Variants in NMNAT3 observed in about 807,000 individuals in gnomAD.
NMNAT3 encodes the protein nicotinamide nucleotide adenylyltransferase 3, also known as nicotinamide/nicotinic acid mononucleotide adenylyltransferase 3.
In NMNAT3, 21 loss-of-function variants were observed where a neutral mutation model predicts 24.8. The observed-to-expected ratio is 0.85, with a 90% CI of 0.60 to 1.22. NMNAT3 has a LOEUF of 1.22. Ranked by LOEUF, NMNAT3 falls within the 50% of genes most tolerant of loss-of-function variation. The pLI, the probability that NMNAT3 is intolerant of heterozygous loss-of-function variation, is 0.00. For synonymous variants in NMNAT3, 136 were observed against 155.2 expected (o/e 0.88, Z 0.92); for missense variants, 387 against 436.6 (o/e 0.89, Z 1.01).
intron 1 of NMNAT3, among the ~76,000 whole-genome samples, chr3:139,674,174 G>T (rs1050173699): frequency 6.6e-6 from 1 of 152,178 alleles, no homozygotes; most frequent in Non-Finnish European, 1.5e-5. Context: ...CTCATCCCAG[G>T]CACTTCCACC....
chr3:139,595,443 C>T (rs2054403892), intron 3 of NMNAT3, among the ~76,000 whole-genome samples: 1 of 152,172 alleles, frequency 6.6e-6, no homozygotes, highest in African/African-American at 2.4e-5. Context: ...ACTTTCTTCA[C>T]AGAATTGGAA....
intron 3 of NMNAT3, among the ~76,000 whole-genome samples, chr3:139,596,964 ATT>A (rs3028156): frequency 1.8e-4 from 19 of 108,552 alleles, no homozygotes; most frequent in African/African-American, 6.4e-4. Context: ...ATATATATAT[ATT>A]TTTATTACAT....
chr3:139,649,702 C>A (rs1278214550), intron 1 of NMNAT3, among the ~76,000 whole-genome samples: 1 of 152,132 alleles, frequency 6.6e-6, no homozygotes, highest in Non-Finnish European at 1.5e-5. Context: ...GGGCACTATA[C>A]CTTTGAAAAG....
At chr3:139,642,994 G>A (rs1470830894) in intron 1 of NMNAT3, among the ~76,000 whole-genome samples, 1 of 152,140 alleles carries the variant, frequency 6.6e-6, no homozygotes, top group African/African-American at 2.4e-5. Context: ...ATATAAGGCT[G>A]TCCATAAAAG....
At chr3:139,594,464 A>G (rs1008081381) in intron 3 of NMNAT3, among the ~76,000 whole-genome samples, 1 of 152,220 alleles carries the variant, frequency 6.6e-6, no homozygotes, top group African/African-American at 2.4e-5. Context: ...TCAGTTTATG[A>G]GGCCAGCATC....
intron 3 of NMNAT3, among the ~76,000 whole-genome samples, chr3:139,622,839 TTA>T (rs1485624170): frequency 8.4e-6 from 1 of 119,742 alleles, no homozygotes; most frequent in Non-Finnish European, 1.7e-5. Context: ...ATAATATATA[TTA>T]TATATATTAT....
chr3:139,588,347 A>C (rs1409236094), intron 3 of NMNAT3, among the ~76,000 whole-genome samples: 1 of 152,208 alleles, frequency 6.6e-6, no homozygotes, highest in Non-Finnish European at 1.5e-5. Context: ...AAGATATACC[A>C]TCCCTACAGA....
intron 1 of NMNAT3, among the ~76,000 whole-genome samples, chr3:139,639,616 T>C (rs1174126474): frequency 6.6e-6 from 1 of 152,206 alleles, no homozygotes; most frequent in East Asian, 1.9e-4. Context: ...TGTGGCCATC[T>C]TCACATCCTC....
intron 3 of NMNAT3, among the ~76,000 whole-genome samples, chr3:139,605,395 T>C (rs952127145): frequency 6.6e-6 from 1 of 152,100 alleles, no homozygotes; most frequent in African/African-American, 2.4e-5. Flanking sequence ...TCTGTGAGGG[T>C]ATAAACCCAC....
At chr3:139,669,478 GAAAAAAAAAA>G (rs61403161) in intron 1 of NMNAT3, among the ~76,000 whole-genome samples, 9 of 59,324 alleles carry the variant, frequency 1.5e-4, no homozygotes, top group Non-Finnish European at 2.4e-4. Context: ...CCCTGTCTCA[GAAAAAAAAAA>G]AAAAAAAAAA....
Position 139,578,911 on chromosome 3 carries a change from C to T in NMNAT3, c.536G>A (p.Ser179Asn), listed in dbSNP as rs773427649. 11 of 1,614,094 alleles carry T rather than the reference C, an allele frequency of 6.8e-6. No individual in the cohort carries two copies. In the South Asian group the frequency reaches 1.1e-4, roughly 16 times the overall value. Residue 179 changes from serine to asparagine, a missense_variant, in exon 5 of 7, where the codon AGT becomes AAT. By Grantham distance (46) the Ser-to-Asn change is conservative. This residue lies in a region of NMNAT3 where 323 missense variants were observed against 345.2 expected (regional missense o/e 0.94). Coordinates refer to ENST00000643695, the MANE Select transcript of NMNAT3 (RefSeq NM_001320510.2). The stretch of plus-strand genomic sequence containing the variant: ...TGTCTCCATCCACTGTGCCTGCTCA[C>T]TCTCCCAAGGGTCCACCCGGATCCA...
At chr3:139,575,866 C>A in intron 5 of NMNAT3, 2 of 1,250,856 alleles carry the variant, frequency 1.6e-6, no homozygotes, top group Admixed American at 2.6e-5. Context: ...ACATCATGTT[C>A]CCAGCCTGCA....
chr3:139,593,203 A>G (rs1261941796), intron 3 of NMNAT3, among the ~76,000 whole-genome samples: 7 of 152,224 alleles, frequency 4.6e-5, no homozygotes, highest in Non-Finnish European at 8.8e-5. Context: ...TAAACCAACA[A>G]AGATCAAAAG....
chr3:139,665,503 T>C (rs1174337679), intron 1 of NMNAT3, among the ~76,000 whole-genome samples: 1 of 152,108 alleles, frequency 6.6e-6, no homozygotes, highest in Admixed American at 6.6e-5. Context: ...GTAAGTGCCA[T>C]GATGGAATGA....
At chr3:139,658,924 C>T (rs1453454693) in intron 1 of NMNAT3, among the ~76,000 whole-genome samples, 4 of 152,140 alleles carry the variant, frequency 2.6e-5, no homozygotes, top group African/African-American at 9.7e-5. Context: ...CCTTCCCTCT[C>T]AATCCCCCTG....
chr3:139,667,196 T>C (rs1331639516), intron 1 of NMNAT3, among the ~76,000 whole-genome samples: 1 of 152,230 alleles, frequency 6.6e-6, no homozygotes, highest in African/African-American at 2.4e-5. Context: ...ATAATGGTTG[T>C]ACTAAGTTAT....
intron 1 of NMNAT3, among the ~76,000 whole-genome samples, chr3:139,663,492 CTCAAAG>C (rs2057483966): frequency 6.6e-6 from 1 of 152,292 alleles, no homozygotes; most frequent in Non-Finnish European, 1.5e-5. Context: ...ATGGTGCTTA[CTCAAAG>C]TCAAACAGCT....
intron 6 of NMNAT3, 119 bp from the exon 7 acceptor site, chr3:139,561,511 A>G: frequency 4.3e-6 from 4 of 925,214 alleles, no homozygotes; most frequent in Non-Finnish European, 6.5e-6. Context: ...CAGTGTCTCC[A>G]TGTTCATGAC....
intron 3 of NMNAT3, 45 bp downstream of exon 4, chr3:139,627,571 C>T (rs1484235570): frequency 8.4e-7 from 1 of 1,187,958 alleles, no homozygotes; most frequent in East Asian, 2.5e-5. Context: ...CCCATGAAGC[C>T]TAACCCACCA....
Sources: gnomAD v4.1 joint callset for allele counts (sites outside exome capture counted in the v4.1 genomes callset) on GRCh38, gnomAD v4.1.1 for gene constraint, gnomAD v4.1.1 regional missense constraint, MANE v1.5 for transcripts, NCBI Gene and HGNC (gene_info 2026-07-23, HGNC 2026-07-21) for gene names.